The following MAST4 variants were observed in gnomAD, a reference collection of about 807,000 sequenced individuals.
MAST4 encodes microtubule-associated serine/threonine-protein kinase 4.
Under a neutral mutation model 162.7 loss-of-function variants are expected in MAST4, and 89 were observed. The observed-to-expected ratio is 0.55, with a 90% CI of 0.46 to 0.65. MAST4 has a LOEUF of 0.65. Among genes scored for constraint, MAST4 ranks in the 30% least tolerant of loss-of-function variants. The probability of loss-of-function intolerance (pLI) is 0.00; values close to 1 mark genes in which losing one functional copy is unlikely to be tolerated. For synonymous variants in MAST4, 1,479 were observed against 1,361.1 expected, an observed-to-expected ratio of 1.09 and a Z score of -1.91; for missense variants, 3,153 against 3,374.0, an observed-to-expected ratio of 0.93 and a Z score of 1.62.
intron 3 of MAST4, among the ~76,000 whole-genome samples, chr5:66,845,549 A>G (rs957886535): frequency 3.9e-5 from 6 of 152,052 alleles, no homozygotes; most frequent in African/African-American, 1.2e-4. Context: ...AGTCTTTGCT[A>G]TTGTGAATAG....
rs548187420 is a variant in MAST4 at position 66,982,318 on chromosome 5, A to G, written c.675-72086A>G. On this transcript the variant is annotated intron_variant, in intron 4 of 28. Coordinates refer to ENST00000403625, the MANE Select transcript of MAST4 (RefSeq NM_001164664.2). ...ATTTTTCCTTACTTAGGGAGACTAAAGTCGATTCTAATAACAATTTGGTAA... is the reference window on the plus strand; with the variant it reads ...ATTTTTCCTTACTTAGGGAGACTAAGGTCGATTCTAATAACAATTTGGTAA... Among the ~76,000 whole-genome samples the G allele has an allele frequency of 3.3e-5, 5 of 152,316 alleles. No homozygotes were observed. The South Asian group carries it at 1.0e-3, about 32-fold the overall frequency.
chr5:67,090,272 G>A (rs1199478803), intron 6 of MAST4, 41 bp downstream of exon 6: 1 of 1,501,356 alleles, frequency 6.7e-7, no homozygotes, highest in African/African-American at 1.4e-5. Context: ...GTCTTATAGA[G>A]AGAATCCCAT....
At chr5:66,982,455 T>A (rs1748979213) in intron 4 of MAST4, among the ~76,000 whole-genome samples, 1 of 152,198 alleles carries the variant, frequency 6.6e-6, no homozygotes, top group South Asian at 2.1e-4. Flanking sequence ...AAAGAATATT[T>A]ATTTATTAAA....
intron 1 of MAST4, among the ~76,000 whole-genome samples, chr5:66,606,187 TG>T (rs1181222900): frequency 6.6e-6 from 1 of 152,208 alleles, no homozygotes; most frequent in African/African-American, 2.4e-5. Flanking sequence ...AGCTAGAAGA[TG>T]GCAGAAAAGC....
intron 4 of MAST4, among the ~76,000 whole-genome samples, chr5:66,922,504 T>A (rs61711255): frequency 0.02 from 3,112 of 152,324 alleles, 106 homozygotes; most frequent in African/African-American, 0.072. Context: ...AATACTTGTG[T>A]ACATCTAAAT....
At chr5:67,020,885 G>C (rs1260791873) in intron 4 of MAST4, among the ~76,000 whole-genome samples, 3 of 152,146 alleles carry the variant, frequency 2.0e-5, no homozygotes, top group Non-Finnish European at 4.4e-5. Context: ...ACCTTTATTA[G>C]AACACAGCTA....
intron 3 of MAST4, among the ~76,000 whole-genome samples, chr5:66,819,236 T>C (rs1756875285): frequency 6.6e-6 from 1 of 152,160 alleles, no homozygotes; most frequent in Non-Finnish European, 1.5e-5. Flanking sequence ...TGGGGGAACA[T>C]CTAGCCTTCT....
chr5:66,964,157 A>T, intron 4 of MAST4: 1 of 437,250 alleles, frequency 2.3e-6, no homozygotes, highest in Non-Finnish European at 4.5e-6. Context: ...GCCTCAAACT[A>T]TTTTATACAC....
At position 66,841,330 on chromosome 5, in the gene MAST4, G is replaced by A. The variant is rs114655726; in HGVS notation, c.642+52536G>A. ...TTTCTGAGGCTTAGATTCATTTTCT[G>A]TAATATGAAGATACTAAAAATTACC... On this transcript the variant is annotated intron_variant, in intron 3 of 28. Coordinates refer to ENST00000403625, the MANE Select transcript of MAST4 (RefSeq NM_001164664.2). 3.2e-3 allele frequency among the ~76,000 whole-genome samples: 480 copies of A among 152,200 alleles called. 2 individuals carry two copies. Among genetic ancestry groups the A allele is most frequent in the African/African-American group, 0.011 (454 of 41,532 alleles).
At chr5:67,121,693 A>T (rs898364293) in intron 14 of MAST4, among the ~76,000 whole-genome samples, 1 of 151,424 alleles carries the variant, frequency 6.6e-6, no homozygotes, top group Non-Finnish European at 1.5e-5. Context: ...AAAAAAAATC[A>T]CAAAAAACTC....
chr5:67,056,304 C>T (rs1475168412), intron 5 of MAST4, among the ~76,000 whole-genome samples: 1 of 152,076 alleles, frequency 6.6e-6, no homozygotes, highest in Non-Finnish European at 1.5e-5. Context: ...TCATTAAAAT[C>T]CTACAGAGGG....
chr5:66,744,000 G>A (rs944276471), intron 1 of MAST4, among the ~76,000 whole-genome samples: 1 of 151,908 alleles, frequency 6.6e-6, no homozygotes, highest in Non-Finnish European at 1.5e-5. Context: ...TCTCTTATTT[G>A]GCCACTTTCT....
intron 3 of MAST4, among the ~76,000 whole-genome samples, chr5:66,883,966 C>T (rs746058604): frequency 3.3e-5 from 5 of 152,148 alleles, no homozygotes; most frequent in African/African-American, 1.2e-4. Context: ...TGAATTACAT[C>T]GTAAGCCACC....
chr5:66,932,051 C>T (rs1287228897), intron 4 of MAST4, among the ~76,000 whole-genome samples: 1 of 152,102 alleles, frequency 6.6e-6, no homozygotes, highest in African/African-American at 2.4e-5. Flanking sequence ...GTGAACGATC[C>T]CTTCTGAATT....
chr5:66,633,532 C>G (rs755641837), intron 1 of MAST4, among the ~76,000 whole-genome samples: 7 of 152,162 alleles, frequency 4.6e-5, no homozygotes, highest in Non-Finnish European at 8.8e-5. Context: ...CTTTCTTTGG[C>G]TGTCATTTGG....
chr5:66,657,111 T>C (rs1580121068), intron 1 of MAST4, among the ~76,000 whole-genome samples: 1 of 152,302 alleles, frequency 6.6e-6, no homozygotes, highest in Middle Eastern at 3.4e-3. Flanking sequence ...ATTCCAGAGG[T>C]TTTATGAATT....
At chr5:67,071,922 C>T (rs1300590107) in intron 5 of MAST4, among the ~76,000 whole-genome samples, 1 of 150,384 alleles carries the variant, frequency 6.6e-6, no homozygotes, top group Non-Finnish European at 1.5e-5. Flanking sequence ...CAATATAGAT[C>T]TAGAACTCAT....
At chr5:66,975,494 C>T (rs1247745829) in intron 4 of MAST4, among the ~76,000 whole-genome samples, 1 of 152,264 alleles carries the variant, frequency 6.6e-6, no homozygotes, top group South Asian at 2.1e-4. Flanking sequence ...CACTGTGGCC[C>T]CCTGCCTCCT....
At position 67,164,666 on chromosome 5, in the gene MAST4, C is replaced by T. The variant is rs755214244; in HGVS notation, c.5487C>T (p.Pro1829=). The change falls in exon 29 of 29, where the codon CCC becomes CCT. Residue 1829 remains proline, a synonymous_variant. Coordinates refer to ENST00000403625, the MANE Select transcript of MAST4 (RefSeq NM_001164664.2). The surrounding 1 kb of genome is among the most constrained non-coding windows in gnomAD (Gnocchi z 5.3). ...ELPSPESAQS[P]SPSGDVRASV... Reference sequence around the variant, plus strand: ...CTTCCCCAGAGTCTGCACAGAGCCCCAGCCCAAGTGGTGACGTGAGGGCCT... The same window carrying T: ...CTTCCCCAGAGTCTGCACAGAGCCCTAGCCCAAGTGGTGACGTGAGGGCCT... The T allele has an allele frequency of 1.2e-6, 2 of 1,614,038 alleles. No individual in the cohort carries two copies. Among genetic ancestry groups the T allele is most frequent in the Non-Finnish European group, 8.5e-7 (1 of 1,179,896 alleles).
Sources: allele counts gnomAD v4.1 joint callset (sites outside exome capture counted in the v4.1 genomes callset), GRCh38; gene constraint gnomAD v4.1.1; non-coding constraint Gnocchi (gnomAD v3.1); transcripts MANE v1.5; gene names NCBI Gene and HGNC (gene_info 2026-07-23, HGNC 2026-07-21).